SYNE1: variants seen among roughly 807,000 people sequenced by gnomAD.
SYNE1 encodes nesprin-1.
Under a neutral mutation model 1,111.0 loss-of-function variants are expected in SYNE1, and 616 were observed. That is an observed-to-expected ratio of 0.55 (90% confidence interval 0.52 to 0.59). SYNE1 has a LOEUF of 0.59. Ranked by LOEUF, SYNE1 falls within the 20% of genes least tolerant of loss-of-function variation. The pLI, the probability that SYNE1 is intolerant of heterozygous loss-of-function variation, is 0.00. For synonymous variants in SYNE1, 3,855 were observed against 3,825.8 expected, an observed-to-expected ratio of 1.01 and a Z score of -0.28; for missense variants, 10,006 against 10,417.0, an observed-to-expected ratio of 0.96 and a Z score of 1.72.
chr6:152,510,926 G>A, intron 7 of SYNE1, 85 bp downstream of exon 7: 1 of 1,204,638 alleles, frequency 8.3e-7, no homozygotes. Context: ...CCAAAGATAT[G>A]GCAAATGAGA....
At chr6:152,605,320 T>A (rs1463147942) in intron 3 of SYNE1, among the ~76,000 whole-genome samples, 6 of 152,132 alleles carry the variant, frequency 3.9e-5, no homozygotes, top group Non-Finnish European at 1.5e-5. Flanking sequence ...CTACGTTAAA[T>A]TATTAAATAG....
At chr6:152,591,484 C>A (rs1422358367) in intron 3 of SYNE1, among the ~76,000 whole-genome samples, 1 of 152,132 alleles carries the variant, frequency 6.6e-6, no homozygotes, top group Non-Finnish European at 1.5e-5. Context: ...AGGACCCCTA[C>A]CTTTCACCAT....
intron 11 of SYNE1, among the ~76,000 whole-genome samples, chr6:152,489,722 A>T (rs1028897151): frequency 3.3e-5 from 5 of 152,118 alleles, no homozygotes; most frequent in African/African-American, 1.2e-4. Flanking sequence ...GCTCAGGCAC[A>T]ACCTACTCTA....
chr6:152,345,163 T>A (rs1024011749), intron 73 of SYNE1, among the ~76,000 whole-genome samples: 1 of 152,242 alleles, frequency 6.6e-6, no homozygotes, highest in Admixed American at 6.5e-5. Context: ...GTTCTGATTA[T>A]GTTCTTAGAA....
chr6:152,457,263 G>C (rs769421670), intron 22 of SYNE1, among the ~76,000 whole-genome samples: 4 of 152,050 alleles, frequency 2.6e-5, no homozygotes, highest in Non-Finnish European at 5.9e-5. Context: ...TTACACTCAG[G>C]TATTGTAGCC....
chr6:152,513,541 C>T (rs1253583485), intron 6 of SYNE1, among the ~76,000 whole-genome samples: 2 of 152,112 alleles, frequency 1.3e-5, no homozygotes, highest in Admixed American at 6.6e-5. Flanking sequence ...GCCATGTTGG[C>T]CAGGCTGGTC....
chr6:152,510,296 T>C lies in SYNE1; in HGVS notation c.478A>G (p.Ser160Gly), dbSNP rs775378964. The C allele has an allele frequency of 1.2e-6, 2 of 1,614,164 alleles. No individual in the cohort carries two copies. The highest frequency in any genetic ancestry group is 1.7e-6 in the Non-Finnish European group (2 of 1,180,006). Residue 160 changes from serine (S) to glycine (G), a missense_variant, in exon 8 of 146, where the codon AGC (serine) becomes GGC (glycine). By Grantham distance (56) the Ser-to-Gly change is moderately conservative. Coordinates refer to ENST00000367255, the MANE Select transcript of SYNE1 (RefSeq NM_182961.4). ...CTTGGTGGGCTGGGAGTCTCAGAGC[T>C]AACTATGCTGTCCACGGAGGATGCG... ...SSASSVDSIV[S>G]SETPSPPSKR...
chr6:152,193,533 G>T (rs923607121), intron 127 of SYNE1, among the ~76,000 whole-genome samples: 2 of 151,982 alleles, frequency 1.3e-5, no homozygotes, highest in African/African-American at 4.8e-5. Flanking sequence ...GACCAGGTTG[G>T]TCTCAAACTC....
chr6:152,434,362 G>A (rs763173627), intron 33 of SYNE1: 12 of 189,880 alleles, frequency 6.3e-5, no homozygotes, highest in Non-Finnish European at 1.3e-4. Context: ...TACACTTAAA[G>A]GAGAGACACT....
intron 3 of SYNE1, among the ~76,000 whole-genome samples, chr6:152,599,405 A>T (rs181989663): frequency 1.3e-5 from 2 of 152,352 alleles, no homozygotes; most frequent in African/African-American, 4.8e-5. Flanking sequence ...TGACATGCTG[A>T]GCAGTCCTAC....
rs2083554993 is a variant in SYNE1 at position 152,234,578 on chromosome 6, A to G, written c.20529+90T>C. 4.6e-6 allele frequency: 7 copies of G among 1,515,606 alleles called. No individual in the cohort carries two copies. In the East Asian group the frequency reaches 1.1e-4, roughly 24 times the overall value. The allele number at this position is 1,515,606 out of a possible 1,614,324, so 93.9% of individuals were successfully genotyped here. Reference sequence around the variant, plus strand: ...AAGTGTGGGATTACAGGTGTGAGCCACCGCACCCGGCCTGACTTCTTTTCT... The same window carrying G: ...AAGTGTGGGATTACAGGTGTGAGCCGCCGCACCCGGCCTGACTTCTTTTCT... On this transcript the variant is annotated intron_variant, in intron 111 of 145. Coordinates refer to ENST00000367255, the MANE Select transcript of SYNE1 (RefSeq NM_182961.4).
In SYNE1 at chr6:152,334,139, C is replaced by A. The variant is rs769119472; in HGVS notation, c.12663G>T (p.Leu4221Phe). The part of the protein sequence containing the change: ...INHLNDQWLD[L>F]CRQSNNLCLQ... ...AGCACAGGTTGTTAGACTGACGGCA[C>A]AAATCGAGCCACTGATCATTTAAAT... is the stretch of plus-strand genomic sequence containing the variant. The change falls in exon 77 of 146, where the codon TTG becomes TTT. Residue 4221 changes from leucine to phenylalanine, a missense_variant. Around this residue, in one of 7 missense-constraint regions of SYNE1, gnomAD observed 4,955 missense variants for 5,017.2 expected, o/e 0.99. Transcript: ENST00000367255. The A allele has an allele frequency of 1.9e-6, 3 of 1,614,172 alleles. No individual in the cohort carries two copies. The highest frequency in any genetic ancestry group is 3.3e-5 in the Admixed American group (2 of 60,020).
Position 152,154,930 on chromosome 6 carries a change from T to A in SYNE1, c.24091A>T (p.Ile8031Phe). 1 of 1,614,186 alleles carries A rather than the reference T, an allele frequency of 6.2e-7. No homozygotes were observed. The highest frequency in any genetic ancestry group is 1.1e-5 in the South Asian group (1 of 91,080). The change falls in exon 133 of 146, where the codon ATC becomes TTC. Residue 8031 changes from isoleucine to phenylalanine, a missense_variant. Ile to Phe is a conservative substitution (Grantham distance 21, BLOSUM62 0). Coordinates refer to ENST00000367255, the MANE Select transcript of SYNE1 (RefSeq NM_182961.4). ...AGTTCTTCCTTGGCAACTGTATAGA[T>A]CACCCCAGAAGAGCTGGGAAAAGCA... The part of the protein sequence containing the change: ...TAAFPSSSGV[I>F]YTVAKEELKK...
rs2098525187 is a variant in SYNE1, at chr6:152,441,046, TA to T, written c.4149+83del. 5 of 1,505,640 alleles carry T rather than the reference TA, an allele frequency of 3.3e-6. No individual in the cohort carries two copies. The East Asian group carries it at 1.1e-4, about 34-fold the overall frequency. 93.3% of individuals were successfully genotyped at this position (1,505,640 alleles called of 1,614,324 possible). A position where few individuals can be genotyped will look rare whatever the true frequency, so the allele number is the denominator to read the frequency against. ...TATTGATTAAATTAACAATAACAATTAATAGTAATAATGGAGGAGAAATCAT... is the reference window on the plus strand; with the variant it reads ...TATTGATTAAATTAACAATAACAATTATAGTAATAATGGAGGAGAAATCAT... On this transcript the variant is annotated intron_variant, in intron 32 of 145. Transcript: ENST00000367255.
chr6:152,595,299 C>G (rs1185058764), intron 3 of SYNE1, among the ~76,000 whole-genome samples: 1 of 152,200 alleles, frequency 6.6e-6, no homozygotes, highest in Non-Finnish European at 1.5e-5. Context: ...CTCAACATCT[C>G]CACTGGATGT....
chr6:152,274,118 A>G (rs1210478556), intron 98 of SYNE1, among the ~76,000 whole-genome samples: 3 of 152,248 alleles, frequency 2.0e-5, no homozygotes, highest in Non-Finnish European at 2.9e-5. Context: ...GCTGTTTACA[A>G]AACTAGGTGA....
chr6:152,344,162 G>C lies in SYNE1; in HGVS notation c.12144C>G (p.Cys4048Trp). The C allele has an allele frequency of 6.2e-7, 1 of 1,614,190 alleles. No individual in the cohort carries two copies. Among genetic ancestry groups the C allele is most frequent in the South Asian group, 1.1e-5 (1 of 91,086 alleles). ...GCTGGACTGCAGAAAGCCAGGCCTG[G>C]CACTGCTGCAGGGTGTCTTGTCGGC... is the stretch of plus-strand genomic sequence containing the variant. ...HVSRQDTLQQ[C>W]QAWLSAVQPD... is the part of the protein sequence containing the mutation. The change falls in exon 74 of 146, where the codon TGC becomes TGG. Residue 4048 changes from cysteine to tryptophan, a missense_variant. Physicochemically the swap from Cys to Trp is radical, Grantham distance 215. Transcript: ENST00000367255.
intron 62 of SYNE1, among the ~76,000 whole-genome samples, chr6:152,366,269 TTGCGGTGAG>T (rs1365632880): frequency 6.6e-6 from 1 of 151,992 alleles, no homozygotes; most frequent in African/African-American, 2.4e-5. Flanking sequence ...GAGGCAGAGG[TTGCGGTGAG>T]CTGAGATCAC....
At chr6:152,133,582 G>T (rs950849097) in intron 142 of SYNE1, 94 bp from the exon 143 acceptor site, 4 of 1,233,248 alleles carry the variant, frequency 3.2e-6, no homozygotes, top group South Asian at 2.5e-5. Flanking sequence ...AACTTGGTGG[G>T]AAATTATACC....
Sources: gnomAD v4.1 joint callset for allele counts (sites outside exome capture counted in the v4.1 genomes callset) on GRCh38, gnomAD v4.1.1 for gene constraint, gnomAD v4.1.1 regional missense constraint, MANE v1.5 for transcripts, NCBI Gene and HGNC (gene_info 2026-07-23, HGNC 2026-07-21) for gene names.